IFT81: variants seen among roughly 807,000 people sequenced by gnomAD.
IFT81 encodes the protein intraflagellar transport protein 81 homolog.
In IFT81, 72 loss-of-function variants were observed where a neutral mutation model predicts 102.6. The ratio of observed to expected loss-of-function variants is 0.70; its 90% confidence interval spans 0.58 to 0.85. IFT81 has a LOEUF of 0.85. IFT81 is among the 40% of genes least tolerant of loss of function. The pLI is 0.00. For synonymous variants in IFT81, 237 were observed against 242.7 expected, an observed-to-expected ratio of 0.98 and a Z score of 0.22; for missense variants, 723 against 787.3, an observed-to-expected ratio of 0.92 and a Z score of 0.98.
chr12:110,190,828 C>T (rs1897760139), intron 12 of IFT81, 92 bp from the exon 13 acceptor site: 1 of 1,158,566 alleles, frequency 8.6e-7, no homozygotes, highest in Non-Finnish European at 1.1e-6. Flanking sequence ...ATTCTATTTA[C>T]AATTTTTTGT....
At chr12:110,216,132 A>G (rs1163862057) in intron 18 of IFT81, among the ~76,000 whole-genome samples, 7 of 152,112 alleles carry the variant, frequency 4.6e-5, no homozygotes. Flanking sequence ...AATCTTACCA[A>G]GTAAATACTT....
At chr12:110,174,270 T>C in intron 11 of IFT81, among the ~76,000 whole-genome samples, 1 of 88,884 alleles carries the variant, frequency 1.1e-5, no homozygotes, top group African/African-American at 4.7e-5. Flanking sequence ...AGAGCAAGAC[T>C]CCGTCTCAAA....
chr12:110,132,652 CAT>C lies in IFT81; in HGVS notation c.519+18_519+19del, dbSNP rs750158650. The C allele has an allele frequency of 3.7e-6, 5 of 1,336,508 alleles. No homozygotes were observed. The highest frequency in any genetic ancestry group is 1.2e-5 in the South Asian group (1 of 81,000). The allele number at this position is 1,336,508 out of a possible 1,614,324, so 82.8% of individuals were successfully genotyped here. On this transcript the variant is annotated intron_variant, in intron 5 of 18. Coordinates refer to ENST00000242591, the MANE Select transcript of IFT81 (RefSeq NM_014055.4). ...AATAAGAAAGGTAAAGGAAAGAAAA[CAT>C]AGTAACAATTTTTTTGGGATTTGAA... is the stretch of plus-strand genomic sequence containing the variant.
At position 110,136,808 on chromosome 12, in the gene IFT81, A is replaced by G. The variant is rs61739505; in HGVS notation, c.729A>G (p.Val243=). The change falls in exon 8 of 19, where the codon GTA becomes GTG. Residue 243 remains valine, a synonymous_variant. Transcript: ENST00000242591. ...ATGCAGTGCAAAGATTGCAAAGAGT[A>G]CAAAACCAGCTGAAAAGCATGCGCC... is the stretch of plus-strand genomic sequence containing the variant. ...LFHAVQRLQR[V]QNQLKSMRQA... 78 of 1,612,900 alleles carry G rather than the reference A, an allele frequency of 4.8e-5. No homozygotes were observed. The Middle Eastern group carries it at 6.6e-4, about 14-fold the overall frequency.
intron 8 of IFT81, among the ~76,000 whole-genome samples, chr12:110,140,233 C>A (rs1358450899): frequency 6.6e-6 from 1 of 152,132 alleles, no homozygotes; most frequent in African/African-American, 2.4e-5. Flanking sequence ...TTAAGCTCCG[C>A]ACACATTAAG....
At chr12:110,163,103 T>C (rs757425567) in intron 11 of IFT81, 38 bp downstream of exon 11, 4 of 1,566,650 alleles carry the variant, frequency 2.6e-6, no homozygotes, top group South Asian at 1.2e-5. Context: ...GGTATGAGTA[T>C]TGTTTTTATG....
intron 4 of IFT81, 112 bp from the exon 5 acceptor site, chr12:110,132,435 G>A: frequency 2.1e-6 from 1 of 466,924 alleles, no homozygotes; most frequent in Non-Finnish European, 3.8e-6. Flanking sequence ...ACTCCAGGCT[G>A]GGCGACAGAG....
chr12:110,127,610 A>T (rs1324125711), intron 2 of IFT81, 86 bp downstream of exon 2: 2 of 1,219,442 alleles, frequency 1.6e-6, no homozygotes, highest in Non-Finnish European at 2.2e-6. Flanking sequence ...ACATTATTTA[A>T]CCTCTCTGAG....
At chr12:110,143,577 A>G (rs1895023270) in intron 9 of IFT81, 32 bp downstream of exon 9, 1 of 1,480,970 alleles carries the variant, frequency 6.8e-7, no homozygotes, top group East Asian at 2.5e-5. Flanking sequence ...ATAGCTCTCA[A>G]TTTTATCTGA....
At chr12:110,169,964 A>T (rs1048694895) in intron 11 of IFT81, among the ~76,000 whole-genome samples, 1 of 151,332 alleles carries the variant, frequency 6.6e-6, no homozygotes. Flanking sequence ...TTATTTATTT[A>T]TTTTTTGAGA....
rs1033682270 is a variant in IFT81 at position 110,178,127 on chromosome 12, A to G, written c.1189-2295A>G. On this transcript the variant is annotated intron_variant, in intron 11 of 18. Transcript: ENST00000242591. The stretch of plus-strand genomic sequence containing the variant: ...AAAAAAATTGGAAGGAAAAATATCA[A>G]TGTGGGCTGGGCACAGTTGCTCATG... Among the ~76,000 whole-genome samples, 5 of 143,146 alleles carry G rather than the reference A, an allele frequency of 3.5e-5. No individual in the cohort carries two copies. In the South Asian group the frequency reaches 1.2e-3, roughly 33 times the overall value. The allele number at this position is 143,146 out of a possible 152,430, so 93.9% of individuals were successfully genotyped here. A position where few individuals can be genotyped will look rare whatever the true frequency, so the allele number is the denominator to read the frequency against.
chr12:110,190,743 A>C (rs1333222608), intron 12 of IFT81, among the ~76,000 whole-genome samples, 177 bp from the exon 13 acceptor site: 1 of 152,238 alleles, frequency 6.6e-6, no homozygotes, highest in Admixed American at 6.5e-5. Flanking sequence ...GGTTTATAAT[A>C]TACAAAGGCA....
At chr12:110,176,487 C>T (rs558530386) in intron 11 of IFT81, among the ~76,000 whole-genome samples, 4 of 152,226 alleles carry the variant, frequency 2.6e-5, no homozygotes, top group Admixed American at 1.3e-4. Context: ...TTGCTCTGGC[C>T]GCTAATGGAA....
intron 14 of IFT81, among the ~76,000 whole-genome samples, chr12:110,202,151 A>G (rs1898314123): frequency 6.6e-6 from 1 of 152,198 alleles, no homozygotes; most frequent in South Asian, 2.1e-4. Context: ...CACATGAGTA[A>G]TTTGTTGCAC....
At chr12:110,136,233 A>G (rs1194776126) in intron 7 of IFT81, among the ~76,000 whole-genome samples, 11 of 152,252 alleles carry the variant, frequency 7.2e-5, no homozygotes, top group Admixed American at 7.2e-4. Context: ...TATTACTTTT[A>G]CTTATTAAAA....
chr12:110,167,999 G>T lies in IFT81; in HGVS notation c.1188+4934G>T, dbSNP rs1459404888. The stretch of plus-strand genomic sequence containing the variant: ...CCTGAGAAGCTCGGACTACAGGCAC[G>T]AGCCACCATGCCCAGCTAATTTTCT... On this transcript the variant is annotated intron_variant, in intron 11 of 18. Coordinates refer to ENST00000242591, the MANE Select transcript of IFT81 (RefSeq NM_014055.4). The T allele has an allele frequency of 1.7e-5, 3 of 172,382 alleles. No individual in the cohort carries two copies. In the Admixed American group the frequency reaches 1.9e-4, roughly 11 times the overall value. The allele number at this position is 172,382 out of a possible 1,614,324, so 10.7% of individuals were successfully genotyped here.
chr12:110,179,759 TATATATATATATATACAC>T (rs1294012097), intron 11 of IFT81, among the ~76,000 whole-genome samples: 12 of 64,948 alleles, frequency 1.8e-4, no homozygotes, highest in African/African-American at 9.7e-4. Context: ...TATATATATA[TATATATATATATATACAC>T]ACACACACAC....
rs545059407 is a variant in IFT81 at position 110,162,241 on chromosome 12, C to T, written c.1042-678C>T. On this transcript the variant is annotated intron_variant, in intron 10 of 18. Coordinates refer to ENST00000242591, the MANE Select transcript of IFT81 (RefSeq NM_014055.4). ...AAGGGAAACCCACCATGTAAAAATA[C>T]GGTAGACTTGGTGTTACCTTCTATT... 6 of 151,500 alleles carry T rather than the reference C, an allele frequency of 4.0e-5. No individual in the cohort carries two copies. The East Asian group carries it at 7.8e-4, about 20-fold the overall frequency. 9.4% of individuals were successfully genotyped at this position (151,500 alleles called of 1,614,324 possible).
intron 8 of IFT81, among the ~76,000 whole-genome samples, chr12:110,139,145 G>A (rs539378568): frequency 4.1e-4 from 63 of 151,954 alleles, no homozygotes; most frequent in African/African-American, 1.5e-3. Flanking sequence ...AGACCAGCCT[G>A]GACAACATGG....
Sources: allele counts gnomAD v4.1 joint callset (sites outside exome capture counted in the v4.1 genomes callset), GRCh38; gene constraint gnomAD v4.1.1; transcripts MANE v1.5; gene names NCBI Gene and HGNC (gene_info 2026-07-23, HGNC 2026-07-21).